Variants in UBE3C observed in about 807,000 individuals in gnomAD.
UBE3C encodes ubiquitin-protein ligase E3C.
Under a neutral mutation model 129.4 loss-of-function variants are expected in UBE3C, and 42 were observed. The ratio of observed to expected loss-of-function variants is 0.32; its 90% confidence interval spans 0.25 to 0.42. The LOEUF is 0.42. UBE3C is among the 10% of genes least tolerant of loss of function. UBE3C has a pLI of 1.00. For missense variants in UBE3C, 1,049 were observed against 1,319.1 expected (o/e 0.80, Z 3.17); for synonymous variants, 510 against 492.4 (o/e 1.04, Z -0.47).
At chr7:157,241,716 T>C (rs1036050620) in intron 18 of UBE3C, among the ~76,000 whole-genome samples, 2 of 152,132 alleles carry the variant, frequency 1.3e-5, no homozygotes, top group African/African-American at 4.8e-5. Flanking sequence ...ACACAAATTC[T>C]CACAACAGCA....
intron 4 of UBE3C, among the ~76,000 whole-genome samples, chr7:157,171,660 T>TTTATATATA: frequency 1.5e-5 from 1 of 67,876 alleles, no homozygotes; most frequent in East Asian, 3.8e-4. Flanking sequence ...TTTAAATATT[T>TTTATATATA]TATATATATA....
intron 2 of UBE3C, among the ~76,000 whole-genome samples, chr7:157,166,022 T>C (rs1204078485): frequency 6.6e-6 from 1 of 152,240 alleles, no homozygotes; most frequent in Admixed American, 6.5e-5. Context: ...CTGCTGTATG[T>C]AGGTGTCTAA....
Position 157,225,499 on chromosome 7 carries a change from C to T in UBE3C, c.2193C>T (p.Tyr731=), listed in dbSNP as rs1795851367. ...TTAATGTCACAATAAGAAGAAATTA[C>T]ATTTATGAAGATGCTTATGACAAAC... ...DGINVTIRRN[Y]IYEDAYDKLS... The change falls in exon 17 of 23, where the codon TAC becomes TAT. Residue 731 remains tyrosine, a synonymous_variant. Transcript: ENST00000348165. The T allele has an allele frequency of 6.3e-6, 10 of 1,599,628 alleles. No homozygotes were observed. In the African/African-American group the frequency reaches 8.1e-5, roughly 13 times the overall value.
At chr7:157,218,172 G>A (rs1290869983) in intron 14 of UBE3C, among the ~76,000 whole-genome samples, 2 of 152,196 alleles carry the variant, frequency 1.3e-5, no homozygotes, top group African/African-American at 2.4e-5. Context: ...TCGGCTGGGC[G>A]CGGTGGCTCA....
intron 1 of UBE3C, among the ~76,000 whole-genome samples, chr7:157,140,804 G>T (rs1807423101): frequency 6.6e-6 from 1 of 152,184 alleles, no homozygotes; most frequent in Non-Finnish European, 1.5e-5. Context: ...CTTAACTGTT[G>T]ATCAGAATCT....
chr7:157,232,781 C>G (rs1166526597), intron 18 of UBE3C, among the ~76,000 whole-genome samples: 3 of 152,030 alleles, frequency 2.0e-5, no homozygotes, highest in African/African-American at 4.8e-5. Context: ...TTCTGTTTTC[C>G]GAGAAGCATA....
chr7:157,212,511 T>C (rs1309028354), intron 13 of UBE3C, among the ~76,000 whole-genome samples: 2 of 152,254 alleles, frequency 1.3e-5, no homozygotes, highest in African/African-American at 4.8e-5. Context: ...GATTTTCTTA[T>C]GATCATCATT....
At position 157,178,802 on chromosome 7, in the gene UBE3C, G is replaced by C. The variant is rs747677251; in HGVS notation, c.571G>C (p.Val191Leu). Residue 191 changes from valine (V) to leucine (L), a missense_variant, in exon 6 of 23, where the codon GTG becomes CTG. Physicochemically the swap from Val to Leu is conservative, Grantham distance 32. Coordinates refer to ENST00000348165, the MANE Select transcript of UBE3C (RefSeq NM_014671.3). ...GCCTGTTTTACAAGATGCTAGCTAT[G>C]TGGTGTCAGTGATTGAACAAATTTT... Reference protein sequence around the residue: ...YLPVLQDASYVVSVIEQILHY... With the variant: ...YLPVLQDASYLVSVIEQILHY... The C allele has an allele frequency of 7.4e-6, 12 of 1,614,098 alleles. No homozygotes were observed. In the East Asian group the frequency reaches 2.7e-4, roughly 36 times the overall value.
chr7:157,242,218 A>G (rs1796349981), intron 18 of UBE3C, among the ~76,000 whole-genome samples: 1 of 152,222 alleles, frequency 6.6e-6, no homozygotes, highest in Non-Finnish European at 1.5e-5. Context: ...TAGAGAAAGC[A>G]GCAGTCAGTA....
intron 17 of UBE3C, among the ~76,000 whole-genome samples, chr7:157,229,730 T>G (rs1795971915): frequency 1.3e-5 from 2 of 152,098 alleles, no homozygotes; most frequent in Non-Finnish European, 1.5e-5. Flanking sequence ...TGGGCTCAAG[T>G]GATCCTCTTG....
intron 13 of UBE3C, among the ~76,000 whole-genome samples, chr7:157,213,963 T>G (rs12531196): frequency 0.12 from 18,207 of 152,224 alleles, 1,370 homozygotes; most frequent in East Asian, 0.2. Flanking sequence ...TATTATTTGA[T>G]ATAAATAAAT....
At chr7:157,208,533 A>G (rs1809503735) in intron 13 of UBE3C, among the ~76,000 whole-genome samples, 2 of 152,176 alleles carry the variant, frequency 1.3e-5, no homozygotes, top group African/African-American at 4.8e-5. Flanking sequence ...GGCCCTAACT[A>G]CTTAACTGTG....
chr7:157,195,137 T>G (rs1394689081), intron 10 of UBE3C, among the ~76,000 whole-genome samples: 1 of 152,186 alleles, frequency 6.6e-6, no homozygotes, highest in Non-Finnish European at 1.5e-5. Flanking sequence ...AAAGGCTCTT[T>G]GAGGAGATTA....
At chr7:157,175,156 T>TTTG in intron 5 of UBE3C, 122 bp downstream of exon 5, 1 of 633,090 alleles carries the variant, frequency 1.6e-6, no homozygotes, top group Non-Finnish European at 2.4e-6. Flanking sequence ...TTTTTTTTTT[T>TTTG]TTGAGGTCAT....
At chr7:157,212,579 T>A (rs1291401900) in intron 13 of UBE3C, among the ~76,000 whole-genome samples, 1 of 152,222 alleles carries the variant, frequency 6.6e-6, no homozygotes, top group Non-Finnish European at 1.5e-5. Flanking sequence ...ATTTACAATG[T>A]TTACCTTGAA....
At chr7:157,227,109 A>G (rs930262031) in intron 17 of UBE3C, among the ~76,000 whole-genome samples, 1 of 152,216 alleles carries the variant, frequency 6.6e-6, no homozygotes, top group Non-Finnish European at 1.5e-5. Flanking sequence ...GATGCTCAGT[A>G]GATGCTTATT....
intron 8 of UBE3C, 88 bp from the exon 9 acceptor site, chr7:157,183,790 C>G: frequency 6.8e-7 from 1 of 1,479,642 alleles, no homozygotes. Flanking sequence ...AAATGCCTCT[C>G]TGCGTGTGAG....
intron 9 of UBE3C, among the ~76,000 whole-genome samples, chr7:157,186,583 A>C (rs2116937743): frequency 6.6e-6 from 1 of 152,166 alleles, no homozygotes; most frequent in African/African-American, 2.4e-5. Flanking sequence ...TGAAATGTAA[A>C]TACTGAAGCT....
At chr7:157,232,506 C>T (rs558911885) in intron 18 of UBE3C, among the ~76,000 whole-genome samples, 5 of 152,234 alleles carry the variant, frequency 3.3e-5, no homozygotes, top group South Asian at 2.1e-4. Flanking sequence ...TGCACCACCA[C>T]GCCCAGCTAA....
Sources: gnomAD v4.1 joint callset for allele counts (sites outside exome capture counted in the v4.1 genomes callset) on GRCh38, gnomAD v4.1.1 for gene constraint, MANE v1.5 for transcripts, NCBI Gene and HGNC (gene_info 2026-07-23, HGNC 2026-07-21) for gene names.